The following UBR3 variants were observed in gnomAD, a reference collection of about 807,000 sequenced individuals.
The protein encoded by UBR3 is ubiquitin protein ligase E3 component n-recognin 3.
UBR3 carries 85 observed loss-of-function variants against 243.2 expected under a neutral mutation model. The ratio of observed to expected loss-of-function variants is 0.35; its 90% CI spans 0.29 to 0.42. UBR3 has a LOEUF of 0.42. UBR3 is among the 10% of genes least tolerant of loss of function. UBR3 has a pLI of 1.00. For synonymous variants in UBR3, 748 were observed against 799.8 expected, an observed-to-expected ratio of 0.94 and a Z score of 1.09; for missense variants, 1,686 against 2,300.8, an observed-to-expected ratio of 0.73 and a Z score of 5.47.
At chr2:169,886,767 C>T (rs1185742098) in intron 5 of UBR3, among the ~76,000 whole-genome samples, 1 of 152,288 alleles carries the variant, frequency 6.6e-6, no homozygotes, top group Middle Eastern at 3.4e-3. Context: ...TCCCCCTGGG[C>T]CCCACCTTAC....
At chr2:170,061,764 G>C (rs1191844108) in intron 35 of UBR3, among the ~76,000 whole-genome samples, 1 of 152,116 alleles carries the variant, frequency 6.6e-6, no homozygotes, top group Non-Finnish European at 1.5e-5. Flanking sequence ...CACCGCACTA[G>C]CCAAGCCTTG....
At chr2:169,850,840 T>C (rs998365701) in intron 1 of UBR3, among the ~76,000 whole-genome samples, 17 of 146,368 alleles carry the variant, frequency 1.2e-4, no homozygotes, top group Admixed American at 9.5e-4. Context: ...AGAGACTCAG[T>C]CTCAAAAAAA....
At chr2:169,920,423 A>G (rs1401704854) in intron 11 of UBR3, among the ~76,000 whole-genome samples, 1 of 152,126 alleles carries the variant, frequency 6.6e-6, no homozygotes, top group African/African-American at 2.4e-5. Flanking sequence ...ATATGTAACA[A>G]ACCTGCACAT....
rs1278040027 is a variant in UBR3 at position 169,827,690 on chromosome 2, C to G, written c.183C>G (p.Ala61=). 3.3e-6 allele frequency: 4 copies of G among 1,210,080 alleles called. No homozygotes were observed. The highest frequency in any genetic ancestry group is 3.2e-5 in the African/African-American group (2 of 62,538). The allele number at this position is 1,210,080 out of a possible 1,614,324, so 75.0% of individuals were successfully genotyped here. A position where few individuals can be genotyped will look rare whatever the true frequency, so the allele number is the denominator to read the frequency against. ...LQALLERVLS[A]ERPLAAAAGG... is the part of the protein sequence containing the mutation. Reference sequence around the variant, plus strand: ...CGCTGCTGGAGCGGGTGCTGAGCGCCGAGCGGCCGCTGGCCGCGGCTGCCG... The same window carrying G: ...CGCTGCTGGAGCGGGTGCTGAGCGCGGAGCGGCCGCTGGCCGCGGCTGCCG... The change falls in exon 1 of 39, where the codon GCC becomes GCG. Residue 61 remains alanine, a synonymous_variant. Transcript: ENST00000272793.
intron 25 of UBR3, among the ~76,000 whole-genome samples, chr2:169,993,566 A>G (rs990143460): frequency 2.6e-5 from 4 of 152,140 alleles, no homozygotes; most frequent in African/African-American, 4.8e-5. Flanking sequence ...ACTAGATTGA[A>G]GTTAAACAGT....
chr2:169,945,919 A>T (rs2086774308), intron 20 of UBR3, among the ~76,000 whole-genome samples: 1 of 152,170 alleles, frequency 6.6e-6, no homozygotes, highest in Non-Finnish European at 1.5e-5. Context: ...TTTTAGAGAC[A>T]TATTTTTAAG....
At chr2:169,838,392 T>G (rs1308813527) in intron 1 of UBR3, among the ~76,000 whole-genome samples, 1 of 4,124 alleles carries the variant, frequency 2.4e-4, no homozygotes, top group African/African-American at 4.8e-4. Context: ...GGCATTTGTG[T>G]GTGTGTGTGT....
chr2:169,836,158 A>G (rs2082107685), intron 1 of UBR3, among the ~76,000 whole-genome samples: 1 of 136,758 alleles, frequency 7.3e-6, no homozygotes, highest in Non-Finnish European at 1.5e-5. Flanking sequence ...ATCTCGGCTC[A>G]CTGCAACCTC....
At chr2:169,983,252 C>CTTTTTTTTTTTTTTTT in intron 24 of UBR3, among the ~76,000 whole-genome samples, 1 of 71,986 alleles carries the variant, frequency 1.4e-5, no homozygotes, top group East Asian at 3.6e-4. Flanking sequence ...ATTCTCTCTC[C>CTTTTTTTTTTTTTTTT]TTTTTTTTTT....
intron 36 of UBR3, chr2:170,077,654 T>G (rs772663058): frequency 2.5e-5 from 10 of 404,036 alleles, no homozygotes; most frequent in Middle Eastern, 6.4e-4. Flanking sequence ...AGAGCGATCT[T>G]GGCTTACTGC....
chr2:170,073,072 G>A (rs534778237), intron 35 of UBR3, among the ~76,000 whole-genome samples: 4 of 152,152 alleles, frequency 2.6e-5, no homozygotes, highest in African/African-American at 9.6e-5. Flanking sequence ...CAACCTAAAA[G>A]TTTTAAACCA....
At chr2:169,862,992 A>C (rs2083141897) in intron 1 of UBR3, among the ~76,000 whole-genome samples, 1 of 152,222 alleles carries the variant, frequency 6.6e-6, no homozygotes, top group Non-Finnish European at 1.5e-5. Context: ...TAGTAAGTTG[A>C]GAATGGGATG....
chr2:170,036,791 G>T (rs562622307), intron 31 of UBR3, among the ~76,000 whole-genome samples: 29 of 151,928 alleles, frequency 1.9e-4, no homozygotes, highest in Non-Finnish European at 3.4e-4. Flanking sequence ...AAATATGTTT[G>T]CCGTCTACTT....
intron 10 of UBR3, among the ~76,000 whole-genome samples, chr2:169,907,211 A>AT (rs896136633): frequency 3.2e-4 from 48 of 151,314 alleles, no homozygotes; most frequent in Middle Eastern, 6.8e-3. Context: ...TAATTTTTGT[A>AT]TTTTTTGTAG....
At chr2:169,955,863 C>T (rs1036441467) in intron 23 of UBR3, among the ~76,000 whole-genome samples, 1 of 149,454 alleles carries the variant, frequency 6.7e-6, no homozygotes, top group East Asian at 2.0e-4. Flanking sequence ...CCAAGGAGTC[C>T]TGGTTGCTTT....
intron 1 of UBR3, among the ~76,000 whole-genome samples, chr2:169,844,931 C>T (rs1246690944): frequency 6.6e-6 from 1 of 151,698 alleles, no homozygotes; most frequent in Admixed American, 6.6e-5. Context: ...ATTTAATTTC[C>T]TAGTCTTTTT....
rs898601893 is a variant in UBR3 at position 169,947,534 on chromosome 2, T to A, written c.2911-8T>A. The A allele has an allele frequency of 1.4e-6, 2 of 1,442,706 alleles. No individual in the cohort carries two copies. Among genetic ancestry groups the A allele is most frequent in the East Asian group, 2.6e-5 (1 of 37,892 alleles). 89.4% of individuals were successfully genotyped at this position (1,442,706 alleles called of 1,614,324 possible). On this transcript the variant is annotated splice_polypyrimidine_tract_variant and splice_region_variant and intron_variant, in intron 21 of 38. Coordinates refer to ENST00000272793, the MANE Select transcript of UBR3 (RefSeq NM_172070.4). ...AAGACTTGATATTCATTTTTTTTTTTATTTTAGGCATCAGTGGGTGGACCA... is the reference window on the plus strand; with the variant it reads ...AAGACTTGATATTCATTTTTTTTTTAATTTTAGGCATCAGTGGGTGGACCA...
chr2:170,025,674 G>T (rs1012360545), intron 30 of UBR3, among the ~76,000 whole-genome samples: 3 of 152,170 alleles, frequency 2.0e-5, no homozygotes, highest in Admixed American at 2.0e-4. Context: ...TGAGCATTCT[G>T]TTGAGCAATT....
chr2:169,855,662 T>G (rs1271710993), intron 1 of UBR3, among the ~76,000 whole-genome samples: 5 of 152,238 alleles, frequency 3.3e-5, no homozygotes, highest in Non-Finnish European at 5.9e-5. Context: ...AGCACGGGGT[T>G]GGGGCAAGGC....
Sources: gnomAD v4.1 joint callset for allele counts (sites outside exome capture counted in the v4.1 genomes callset) on GRCh38, gnomAD v4.1.1 for gene constraint, MANE v1.5 for transcripts, NCBI Gene and HGNC (gene_info 2026-07-23, HGNC 2026-07-21) for gene names.